Variants in ENPP6 observed in about 807,000 individuals in gnomAD.
The protein encoded by ENPP6 is ectonucleotide pyrophosphatase/phosphodiesterase 6, also known as glycerophosphocholine cholinephosphodiesterase ENPP6.
In ENPP6, 32 loss-of-function variants were observed where a neutral mutation model predicts 42.0. The ratio of observed to expected loss-of-function variants is 0.76; its 90% CI spans 0.58 to 1.02. The LOEUF (loss-of-function observed/expected upper bound fraction) is 1.02, where lower values mean the gene tolerates loss of function less well. Ranked by LOEUF, ENPP6 falls within the 50% of genes least tolerant of loss-of-function variation. ENPP6 has a pLI of 0.00. For missense variants in ENPP6, 552 were observed against 566.8 expected (o/e 0.97, Z 0.27); for synonymous variants, 213 against 216.0 (o/e 0.99, Z 0.12).
Position 184,089,694 on chromosome 4 carries a change from C to A in ENPP6, c.*1483G>T, listed in dbSNP as rs547349412. ...AGAGATGGGGGTCGCCCTGTGTTGC[C>A]CAAGTTAGTCTGGAACTCCTGGCCT... On this transcript the variant is annotated 3_prime_UTR_variant, in exon 8 of 8. Coordinates refer to ENST00000296741, the MANE Select transcript of ENPP6 (RefSeq NM_153343.4). 2 of 150,426 alleles carry A rather than the reference C, an allele frequency of 1.3e-5. No homozygotes were observed. The highest frequency in any genetic ancestry group is 3.0e-5 in the Non-Finnish European group (2 of 67,432). 9.3% of individuals were successfully genotyped at this position (150,426 alleles called of 1,614,324 possible).
At chr4:184,211,609 T>C (rs1460907148) in intron 1 of ENPP6, among the ~76,000 whole-genome samples, 2 of 152,118 alleles carry the variant, frequency 1.3e-5, no homozygotes, top group African/African-American at 2.4e-5. Context: ...GCTTACCAAC[T>C]AAAAAGAGTC....
At chr4:184,177,402 T>G (rs1737582074) in intron 1 of ENPP6, among the ~76,000 whole-genome samples, 1 of 152,056 alleles carries the variant, frequency 6.6e-6, no homozygotes, top group Non-Finnish European at 1.5e-5. Context: ...GTGGCCATAG[T>G]CTCCATGGAT....
intron 1 of ENPP6, among the ~76,000 whole-genome samples, chr4:184,204,331 T>C (rs1732956488): frequency 6.6e-6 from 1 of 152,224 alleles, no homozygotes; most frequent in South Asian, 2.1e-4. Flanking sequence ...CTCCTTGCGA[T>C]GCTGGCATAC....
At chr4:184,206,251 ATTTTTTTTT>A (rs1554000365) in intron 1 of ENPP6, among the ~76,000 whole-genome samples, 2 of 93,392 alleles carry the variant, frequency 2.1e-5, no homozygotes, top group Admixed American at 2.5e-4. Context: ...GGAAGCTTGA[ATTTTTTTTT>A]TTTTTTTTTT....
At chr4:184,197,549 GT>G (rs1436260210) in intron 1 of ENPP6, among the ~76,000 whole-genome samples, 2 of 152,204 alleles carry the variant, frequency 1.3e-5, no homozygotes, top group Non-Finnish European at 2.9e-5. Flanking sequence ...ACTTGGTGTG[GT>G]TTTTCTCCCT....
chr4:184,157,450 TTCTC>T (rs1294937604), intron 1 of ENPP6, among the ~76,000 whole-genome samples: 27 of 151,940 alleles, frequency 1.8e-4, no homozygotes, highest in African/African-American at 2.4e-4. Flanking sequence ...TTTCTTTTCT[TTCTC>T]TCTCTTTCTT....
chr4:184,162,151 T>C (rs1309627036), intron 1 of ENPP6, among the ~76,000 whole-genome samples: 1 of 152,158 alleles, frequency 6.6e-6, no homozygotes, highest in Non-Finnish European at 1.5e-5. Flanking sequence ...CACTGTCTCA[T>C]TGCTTCCCTA....
rs1301221054 is a variant in ENPP6, at chr4:184,184,696, C to T, written c.242-30963G>A. Among the ~76,000 whole-genome samples, 1 of 152,146 alleles carries T rather than the reference C, an allele frequency of 6.6e-6. No homozygotes were observed. The highest frequency in any genetic ancestry group is 1.5e-5 in the Non-Finnish European group (1 of 68,038). On this transcript the variant is annotated intron_variant, in intron 1 of 7. Coordinates refer to ENST00000296741, the MANE Select transcript of ENPP6 (RefSeq NM_153343.4). The surrounding 1 kb of genome is among the most constrained non-coding windows in gnomAD (Gnocchi z 4.7). ...GTCTTATAAGGAAGGGAGACAGTCACATGTCAATAGAGGCAGAGGTGGAAG... is the reference window on the plus strand; with the variant it reads ...GTCTTATAAGGAAGGGAGACAGTCATATGTCAATAGAGGCAGAGGTGGAAG...
intron 1 of ENPP6, among the ~76,000 whole-genome samples, chr4:184,161,644 C>A (rs895034676): frequency 6.7e-6 from 1 of 148,182 alleles, no homozygotes; most frequent in African/African-American, 2.4e-5. Context: ...GCTCATTAAT[C>A]AATGAGTGGA....
At chr4:184,168,516 GT>G (rs5864878) in intron 1 of ENPP6, among the ~76,000 whole-genome samples, 34,437 of 152,144 alleles carry the variant, frequency 0.23, 4,976 homozygotes, top group East Asian at 0.43. Flanking sequence ...GGGGGTGAAA[GT>G]TACAGGCAGA....
At chr4:184,123,066 A>G (rs1736445206) in intron 3 of ENPP6, among the ~76,000 whole-genome samples, 1 of 152,180 alleles carries the variant, frequency 6.6e-6, no homozygotes, top group South Asian at 2.1e-4. Context: ...ATGAACCTTT[A>G]TGAACCCCAC....
At chr4:184,151,745 G>A (rs1737028704) in intron 2 of ENPP6, among the ~76,000 whole-genome samples, 2 of 152,130 alleles carry the variant, frequency 1.3e-5, no homozygotes, top group Non-Finnish European at 2.9e-5. Flanking sequence ...ATGCCTCTGA[G>A]AATGACCTCA....
At chr4:184,091,461 A>G (rs967457449) in intron 7 of ENPP6, 79 bp from the exon 8 acceptor site, 7 of 1,325,572 alleles carry the variant, frequency 5.3e-6, no homozygotes, top group Admixed American at 2.1e-5. Flanking sequence ...AAGAAGAATT[A>G]CATTCAGGCT....
rs375278065 is a variant in ENPP6 at position 184,171,016 on chromosome 4, T to C, written c.242-17283A>G. On this transcript the variant is annotated intron_variant, in intron 1 of 7. Transcript: ENST00000296741. ...CCTTACATTGAAGTGAGGGGGTGGA[T>C]CAGTTATCTGTTTTGGTGTAACTGA... Among the ~76,000 whole-genome samples the C allele has an allele frequency of 2.0e-5, 3 of 152,194 alleles. No homozygotes were observed. In the East Asian group the frequency reaches 5.8e-4, roughly 29 times the overall value.
chr4:184,099,988 G>A (rs17679120), intron 6 of ENPP6, among the ~76,000 whole-genome samples: 67,851 of 152,138 alleles, frequency 0.45, 15,379 homozygotes, highest in East Asian at 0.61. Flanking sequence ...AGCAAGATAG[G>A]TGAAGACTGA....
intron 2 of ENPP6, among the ~76,000 whole-genome samples, chr4:184,143,091 C>G (rs1252386364): frequency 6.6e-6 from 1 of 152,232 alleles, no homozygotes; most frequent in Non-Finnish European, 1.5e-5. Context: ...CACGGTTTTC[C>G]TGACCAAAGC....
chr4:184,117,066 C>T, intron 4 of ENPP6, 31 bp from the exon 5 acceptor site: 1 of 1,613,104 alleles, frequency 6.2e-7, no homozygotes, highest in Non-Finnish European at 8.5e-7. Context: ...GTCATTACGG[C>T]ACCAACAGAG....
chr4:184,131,216 CTTTT>C lies in ENPP6; in HGVS notation c.422-6948_422-6945del, dbSNP rs1193387718. On this transcript the variant is annotated intron_variant, in intron 2 of 7. Transcript: ENST00000296741. ...TTCTTTCTTTCTTCTTTCTTTCTTT[CTTTT>C]TCTTTCTTTCTTTCCTTTTCTTTCT... 1.6e-3 allele frequency among the ~76,000 whole-genome samples: 138 copies of C among 85,474 alleles called. 5 individuals are homozygous for C. The highest frequency in any genetic ancestry group is 6.6e-3 in the African/African-American group (126 of 19,020). The allele number at this position is 85,474 out of a possible 152,430, so 56.1% of individuals were successfully genotyped here. A position where few individuals can be genotyped will look rare whatever the true frequency, so the allele number is the denominator to read the frequency against.
intron 1 of ENPP6, among the ~76,000 whole-genome samples, chr4:184,205,362 T>C (rs1051607006): frequency 6.6e-6 from 1 of 152,198 alleles, no homozygotes; most frequent in Non-Finnish European, 1.5e-5. Flanking sequence ...CACGGTGACC[T>C]TGTGGGGCAG....
Sources: allele counts gnomAD v4.1 joint callset (sites outside exome capture counted in the v4.1 genomes callset), GRCh38; gene constraint gnomAD v4.1.1; non-coding constraint Gnocchi (gnomAD v3.1); transcripts MANE v1.5; gene names NCBI Gene and HGNC (gene_info 2026-07-23, HGNC 2026-07-21).